Variants in ARL8B observed in about 807,000 individuals in gnomAD.
The protein encoded by ARL8B is ARF like GTPase 8B.
In ARL8B, 9 loss-of-function variants were observed where a neutral mutation model predicts 30.6. That is an observed-to-expected ratio of 0.29 (90% CI 0.18 to 0.51). The LOEUF is 0.51. Ranked by LOEUF, ARL8B falls within the 20% of genes least tolerant of loss-of-function variation. The probability of loss-of-function intolerance (pLI) is 0.97; values close to 1 mark genes in which losing one functional copy is unlikely to be tolerated. For missense variants in ARL8B, 130 were observed against 227.2 expected, an observed-to-expected ratio of 0.57 and a Z score of 2.75; for synonymous variants, 74 against 76.0, an observed-to-expected ratio of 0.97 and a Z score of 0.14.
At chr3:5,136,914 CA>C (rs1205944792) in intron 1 of ARL8B, among the ~76,000 whole-genome samples, 1 of 152,200 alleles carries the variant, frequency 6.6e-6, no homozygotes, top group East Asian at 1.9e-4. Context: ...CTCCTCACAG[CA>C]CTTGATCAAA....
In ARL8B at chr3:5,133,394, G is replaced by C. The variant is rs79860620; in HGVS notation, c.123+10806G>C. Among the ~76,000 whole-genome samples, 33 of 152,338 alleles carry C rather than the reference G, an allele frequency of 2.2e-4. 1 individual carries two copies. In the East Asian group the frequency reaches 5.6e-3, roughly 26 times the overall value. On this transcript the variant is annotated intron_variant, in intron 1 of 6. Transcript: ENST00000256496. The stretch of plus-strand genomic sequence containing the variant: ...GTTACAAGGTTATTACAGAGGTCTG[G>C]TTGAGAGACATTGAGGGAGACAGTT...
chr3:5,122,828 GCTGTGTCCTCAACGC>G (rs1157613050), intron 1 of ARL8B, among the ~76,000 whole-genome samples: 36 of 152,350 alleles, frequency 2.4e-4, no homozygotes, highest in Admixed American at 2.0e-3. Flanking sequence ...TTTTCCAAGG[GCTGTGTCCTCAACGC>G]CGCGGGGGCT....
chr3:5,177,188 G>T (rs552803901), intron 6 of ARL8B, among the ~76,000 whole-genome samples: 4 of 152,176 alleles, frequency 2.6e-5, no homozygotes, highest in African/African-American at 9.6e-5. Flanking sequence ...GACTTCTTTC[G>T]CTATTTGAGG....
intron 1 of ARL8B, among the ~76,000 whole-genome samples, chr3:5,165,624 C>G (rs1475120447): frequency 6.6e-6 from 1 of 151,980 alleles, no homozygotes; most frequent in African/African-American, 2.4e-5. Context: ...TCTGTCTTCA[C>G]AAAGTGGCTT....
chr3:5,172,072 T>G, intron 2 of ARL8B, 78 bp from the exon 3 acceptor site: 1 of 1,358,840 alleles, frequency 7.4e-7, no homozygotes. Context: ...TCCCGATCTT[T>G]CTTTTTTTCT....
chr3:5,148,686 A>G (rs754035898), intron 1 of ARL8B, among the ~76,000 whole-genome samples: 1 of 152,162 alleles, frequency 6.6e-6, no homozygotes, highest in Non-Finnish European at 1.5e-5. Flanking sequence ...TCATTTACAT[A>G]GAGAATTAAA....
At chr3:5,136,971 C>T (rs1460369157) in intron 1 of ARL8B, among the ~76,000 whole-genome samples, 3 of 152,184 alleles carry the variant, frequency 2.0e-5, no homozygotes, top group African/African-American at 7.2e-5. Context: ...TCTCTACCTT[C>T]AGACAACAAC....
At position 5,125,940 on chromosome 3, in the gene ARL8B, A is replaced by G. The variant is rs564664394; in HGVS notation, c.123+3352A>G. Among the ~76,000 whole-genome samples the G allele has an allele frequency of 1.3e-4, 20 of 152,328 alleles. No individual in the cohort carries two copies. In the East Asian group the frequency reaches 2.9e-3, roughly 22 times the overall value. ...GGTGATGGATGTGTAATTGGCTTGA[A>G]TTAGTCATTCCACACTGTAAACATG... is the stretch of plus-strand genomic sequence containing the variant. On this transcript the variant is annotated intron_variant, in intron 1 of 6. Coordinates refer to ENST00000256496, the MANE Select transcript of ARL8B (RefSeq NM_018184.3).
At chr3:5,132,486 G>A (rs1287848116) in intron 1 of ARL8B, among the ~76,000 whole-genome samples, 1 of 152,086 alleles carries the variant, frequency 6.6e-6, no homozygotes, top group Non-Finnish European at 1.5e-5. Context: ...TGATCCACCT[G>A]CTTCGGCCTC....
intron 1 of ARL8B, among the ~76,000 whole-genome samples, chr3:5,162,885 A>C (rs1387308608): frequency 6.6e-6 from 1 of 152,054 alleles, no homozygotes; most frequent in African/African-American, 2.4e-5. Flanking sequence ...CACAGTACCC[A>C]ATAGATAGTT....
chr3:5,132,689 C>CTGAA (rs575918695), intron 1 of ARL8B, among the ~76,000 whole-genome samples: 27 of 152,220 alleles, frequency 1.8e-4, no homozygotes, highest in Admixed American at 4.6e-4. Flanking sequence ...TCTTTAAATA[C>CTGAA]TGAATGAATG....
At chr3:5,178,468 C>G (rs2054750012) in intron 6 of ARL8B, among the ~76,000 whole-genome samples, 196 bp from the exon 7 acceptor site, 1 of 147,794 alleles carries the variant, frequency 6.8e-6, no homozygotes, top group Non-Finnish European at 1.5e-5. Flanking sequence ...ATTTTTAAAT[C>G]AGAAAACGCT....
chr3:5,152,168 C>T (rs780064340), intron 1 of ARL8B, among the ~76,000 whole-genome samples: 1 of 152,182 alleles, frequency 6.6e-6, no homozygotes, highest in African/African-American at 2.4e-5. Flanking sequence ...TTCTCCCTAT[C>T]AATTAACATG....
Position 5,178,905 on chromosome 3 carries a change from A to T in ARL8B, c.*192A>T. 1 of 1,066,878 alleles carries T rather than the reference A, an allele frequency of 9.4e-7. No homozygotes were observed. Among genetic ancestry groups the T allele is most frequent in the South Asian group, 2.0e-5 (1 of 51,026 alleles). The allele number at this position is 1,066,878 out of a possible 1,614,324, so 66.1% of individuals were successfully genotyped here. ...TAAAGAATCAGCTAGAGTTGTCATGATAAAGTCAGCACACACAAAAAGGCT... is the reference window on the plus strand; with the variant it reads ...TAAAGAATCAGCTAGAGTTGTCATGTTAAAGTCAGCACACACAAAAAGGCT... On this transcript the variant is annotated 3_prime_UTR_variant, in exon 7 of 7. Transcript: ENST00000256496.
chr3:5,176,236 T>C lies in ARL8B; in HGVS notation c.511+1822T>C, dbSNP rs115304003. 1.6e-3 allele frequency among the ~76,000 whole-genome samples: 251 copies of C among 152,284 alleles called. 1 individual carries two copies. Among genetic ancestry groups the C allele is most frequent in the African/African-American group, 5.8e-3 (240 of 41,554 alleles). ...CCGCCTGCAAACATGGCTTTATTTA[T>C]TTTTATTTTTTTAAGATGGAGTCTC... On this transcript the variant is annotated intron_variant, in intron 6 of 6. Transcript: ENST00000256496.
At chr3:5,147,298 G>A (rs1455397454) in intron 1 of ARL8B, among the ~76,000 whole-genome samples, 1 of 152,158 alleles carries the variant, frequency 6.6e-6, no homozygotes, top group Non-Finnish European at 1.5e-5. Flanking sequence ...GCGATAGTTT[G>A]CTCAGAATGA....
intron 1 of ARL8B, chr3:5,128,339 G>A (rs978815093): frequency 2.3e-5 from 8 of 351,184 alleles, no homozygotes; most frequent in African/African-American, 1.8e-4. Flanking sequence ...TTCCAATAAG[G>A]TGGTCTTCAA....
rs529003707 is a variant in ARL8B, at chr3:5,173,563, C to T, written c.373-454C>T. Among the ~76,000 whole-genome samples, 4 of 152,152 alleles carry T rather than the reference C, an allele frequency of 2.6e-5. No individual in the cohort carries two copies. The South Asian group carries it at 6.2e-4, about 24-fold the overall frequency. ...CATCCTGGCTAACGCGGTGAAACCC[C>T]GTCTCTACTACAAAAAATCAGCTGG... is the stretch of plus-strand genomic sequence containing the variant. On this transcript the variant is annotated intron_variant, in intron 4 of 6. Coordinates refer to ENST00000256496, the MANE Select transcript of ARL8B (RefSeq NM_018184.3).
intron 1 of ARL8B, among the ~76,000 whole-genome samples, chr3:5,131,599 C>T (rs2054284485): frequency 6.6e-6 from 1 of 151,790 alleles, no homozygotes; most frequent in Admixed American, 6.6e-5. Context: ...CGATGTTGGC[C>T]ACACTGGTCT....
Sources: gnomAD v4.1 joint callset for allele counts (sites outside exome capture counted in the v4.1 genomes callset) on GRCh38, gnomAD v4.1.1 for gene constraint, MANE v1.5 for transcripts, NCBI Gene and HGNC (gene_info 2026-07-23, HGNC 2026-07-21) for gene names.